The following ANAPC5 variants were observed in gnomAD, a reference collection of about 807,000 sequenced individuals.
The protein encoded by ANAPC5 is anaphase-promoting complex subunit 5.
A neutral mutation model predicts 91.3 loss-of-function variants in ANAPC5; 60 were observed. The observed-to-expected ratio is 0.66, with a 90% confidence interval of 0.53 to 0.81. The LOEUF (loss-of-function observed/expected upper bound fraction) is 0.81, where lower values mean the gene tolerates loss of function less well. Ranked by LOEUF, ANAPC5 falls within the 40% of genes least tolerant of loss-of-function variation. The pLI is 0.00. For missense variants in ANAPC5, 690 were observed against 931.5 expected (o/e 0.74, Z 3.37); for synonymous variants, 340 against 364.1 (o/e 0.93, Z 0.75).
At chr12:121,349,873 A>AT (rs1311803899) in intron 1 of ANAPC5, among the ~76,000 whole-genome samples, 15 of 150,708 alleles carry the variant, frequency 1.0e-4, no homozygotes, top group Non-Finnish European at 1.3e-4. Context: ...TGCCCGGCTA[A>AT]TTTTTTTTTG....
In ANAPC5 at chr12:121,327,007, C is replaced by T. The variant is rs1379732172; in HGVS notation, c.1440+89G>A. 14 of 1,473,724 alleles carry T rather than the reference C, an allele frequency of 9.5e-6. No homozygotes were observed. The East Asian group carries it at 2.4e-4, about 25-fold the overall frequency. The allele number at this position is 1,473,724 out of a possible 1,614,324, so 91.3% of individuals were successfully genotyped here. ...CAGTGTCGAGCAGAACTGTCCAACA[C>T]GTGTCCAGTGCTTTCCTCAAGCATT... On this transcript the variant is annotated intron_variant, in intron 11 of 16. Coordinates refer to ENST00000261819, the MANE Select transcript of ANAPC5 (RefSeq NM_016237.5).
In ANAPC5 at chr12:121,339,045, CT is replaced by C. The variant is rs1213176603; in HGVS notation, c.658-1654del. Among the ~76,000 whole-genome samples, 1,173 of 145,602 alleles carry C rather than the reference CT, an allele frequency of 8.1e-3. 16 individuals carry two copies. Among genetic ancestry groups the C allele is most frequent in the African/African-American group, 0.026 (1,042 of 39,690 alleles). Reference sequence around the variant, plus strand: ...AACTTTGTCTCATCATCAAATATGACTTTTTTTTCTTTTTTTTTTTTTTTTT... The same window carrying C: ...AACTTTGTCTCATCATCAAATATGACTTTTTTTCTTTTTTTTTTTTTTTTT... On this transcript the variant is annotated intron_variant, in intron 5 of 16. Transcript: ENST00000261819.
At chr12:121,322,165 G>GTT (rs140292131) in intron 11 of ANAPC5, among the ~76,000 whole-genome samples, 8 of 138,218 alleles carry the variant, frequency 5.8e-5, no homozygotes, top group South Asian at 4.6e-4. Flanking sequence ...CACCTGGCCT[G>GTT]TTTTTTTTTT....
chr12:121,339,121 C>T (rs1374687107), intron 5 of ANAPC5, among the ~76,000 whole-genome samples: 2 of 142,376 alleles, frequency 1.4e-5, no homozygotes, highest in African/African-American at 5.2e-5. Flanking sequence ...GTGGCACAAT[C>T]TTGGCTCACT....
At chr12:121,353,601 C>T (rs1194558739), upstream of ANAPC5, among the ~76,000 whole-genome samples, 14 of 152,076 alleles carry the variant, frequency 9.2e-5, no homozygotes, top group African/African-American at 3.1e-4. Context: ...CCACCACGCC[C>T]GGCTAATTTT....
intron 13 of ANAPC5, 139 bp from the exon 14 acceptor site, chr12:121,318,747 G>A (rs112131951): frequency 0.033 from 25,062 of 748,224 alleles, 1,278 homozygotes; most frequent in East Asian, 0.16. Context: ...GAGGCTGAGC[G>A]CGGTGGCTCA....
chr12:121,325,412 G>A (rs188544731), intron 11 of ANAPC5, among the ~76,000 whole-genome samples: 30 of 151,628 alleles, frequency 2.0e-4, no homozygotes, highest in African/African-American at 7.3e-4. Context: ...GCAGTGAGCT[G>A]AGATCACACC....
chr12:121,345,884 T>A lies in ANAPC5; in HGVS notation c.545A>T (p.Glu182Val). Reference protein sequence around the residue: ...DADMELTSRDEGERKMEKEEL... With the variant: ...DADMELTSRDVGERKMEKEEL... ...TTCTTTTTCCATTTTTCTTTCACCCTCATCTCTACTGGTCAGTTCCATATC... is the reference window on the plus strand; with the variant it reads ...TTCTTTTTCCATTTTTCTTTCACCCACATCTCTACTGGTCAGTTCCATATC... The change falls in exon 4 of 17, where the codon GAG (glutamate) becomes GTG (valine). Residue 182 changes from glutamate to valine, a missense_variant. By Grantham distance (121) the Glu-to-Val change is moderately radical (BLOSUM62 -2). Coordinates refer to ENST00000261819, the MANE Select transcript of ANAPC5 (RefSeq NM_016237.5). 1 of 1,614,028 alleles carries A rather than the reference T, an allele frequency of 6.2e-7. No homozygotes were observed. Among genetic ancestry groups the A allele is most frequent in the Non-Finnish European group, 8.5e-7 (1 of 1,179,984 alleles).
At chr12:121,321,242 T>C (rs1566183227) in intron 11 of ANAPC5, 2 of 150,182 alleles carry the variant, frequency 1.3e-5, no homozygotes, top group Non-Finnish European at 3.0e-5. Context: ...AGAACAAAAT[T>C]CCGTCTCAAA....
chr12:121,310,018 A>G (rs1426945814), intron 15 of ANAPC5, 155 bp from the exon 16 acceptor site: 4 of 593,300 alleles, frequency 6.7e-6, no homozygotes, highest in Non-Finnish European at 1.1e-5. Flanking sequence ...ATTCCTAGAA[A>G]ACACAACATG....
At chr12:121,316,529 C>A (rs1161352700) in intron 15 of ANAPC5, among the ~76,000 whole-genome samples, 1 of 151,832 alleles carries the variant, frequency 6.6e-6, no homozygotes, top group Admixed American at 6.6e-5. Context: ...GTCAGGAGAT[C>A]GAGACCACCC....
intron 9 of ANAPC5, among the ~76,000 whole-genome samples, chr12:121,329,487 A>G (rs1229854379): frequency 6.6e-6 from 1 of 151,836 alleles, no homozygotes; most frequent in Non-Finnish European, 1.5e-5. Flanking sequence ...ACTACCTGTA[A>G]TTACTTTCCA....
intron 6 of ANAPC5, among the ~76,000 whole-genome samples, 156 bp downstream of exon 6, chr12:121,337,135 T>C (rs1281989435): frequency 2.0e-5 from 3 of 152,066 alleles, no homozygotes; most frequent in Admixed American, 6.5e-5. Context: ...GGAGAATCAC[T>C]TGAACCAGGG....
chr12:121,319,779 C>T lies in ANAPC5; in HGVS notation c.1555G>A (p.Ala519Thr), dbSNP rs747641245. Residue 519 changes from alanine (A) to threonine (T), a missense_variant, in exon 13 of 17, where the codon GCA (alanine) becomes ACA (threonine). This residue lies in a region of ANAPC5 where 317 missense variants were observed against 438.7 expected (regional missense o/e 0.72). Coordinates refer to ENST00000261819, the MANE Select transcript of ANAPC5 (RefSeq NM_016237.5). ...AAATGATATTTGCCATCATTCATTGCTCTGTCAAACTGTATTTTTTGATCA... is the reference window on the plus strand; with the variant it reads ...AAATGATATTTGCCATCATTCATTGTTCTGTCAAACTGTATTTTTTGATCA... The part of the protein sequence containing the change: ...LCDQKIQFDR[A>T]MNDGKYHLAD... 18 of 1,611,624 alleles carry T rather than the reference C, an allele frequency of 1.1e-5. No homozygotes were observed. The East Asian group carries it at 3.4e-4, about 30-fold the overall frequency.
chr12:121,322,848 C>A (rs151113884), intron 11 of ANAPC5, among the ~76,000 whole-genome samples: 4,173 of 152,118 alleles, frequency 0.027, 153 homozygotes, highest in East Asian at 0.14. Flanking sequence ...CATGGTGAAA[C>A]CCCATCTCGA....
intron 8 of ANAPC5, 184 bp from the exon 9 acceptor site, chr12:121,330,856 C>A (rs1903016093): frequency 1.9e-6 from 1 of 530,170 alleles, no homozygotes; most frequent in African/African-American, 1.9e-5. Flanking sequence ...TAAAACCAGG[C>A]TGAAATAAAT....
upstream of ANAPC5, among the ~76,000 whole-genome samples, chr12:121,353,470 C>T (rs558603759): frequency 1.0e-5 from 1 of 98,152 alleles, no homozygotes; most frequent in East Asian, 2.8e-4. Flanking sequence ...GAGACGGAGT[C>T]TCCTCTGTCG....
At chr12:121,344,643 G>T (rs1043108498) in intron 4 of ANAPC5, among the ~76,000 whole-genome samples, 15 of 152,098 alleles carry the variant, frequency 9.9e-5, no homozygotes, top group Admixed American at 7.9e-4. Context: ...TCGTGGTCAG[G>T]GAGGCCCGTC....
chr12:121,319,019 CA>C (rs879845439), intron 13 of ANAPC5, among the ~76,000 whole-genome samples: 93 of 133,078 alleles, frequency 7.0e-4, no homozygotes, highest in South Asian at 7.1e-4. Flanking sequence ...GACTCTGCCT[CA>C]AAAAAAAAAA....
Sources: gnomAD v4.1 joint callset for allele counts (sites outside exome capture counted in the v4.1 genomes callset) on GRCh38, gnomAD v4.1.1 for gene constraint, gnomAD v4.1.1 regional missense constraint, MANE v1.5 for transcripts, NCBI Gene and HGNC (gene_info 2026-07-23, HGNC 2026-07-21) for gene names.